SORL1: variants seen among roughly 807,000 people sequenced by gnomAD.
SORL1 encodes the protein sortilin related receptor 1.
In SORL1, 127 loss-of-function variants were observed where a neutral mutation model predicts 273.7. The observed-to-expected ratio is 0.46, with a 90% CI of 0.40 to 0.54. The LOEUF (loss-of-function observed/expected upper bound fraction) is 0.54, where lower values mean the gene tolerates loss of function less well. Among genes scored for constraint, SORL1 ranks in the 20% least tolerant of loss-of-function variants. The probability of loss-of-function intolerance (pLI) is 0.00; values close to 1 mark genes in which losing one functional copy is unlikely to be tolerated. For synonymous variants in SORL1, 1,031 were observed against 1,067.4 expected (o/e 0.97, Z 0.66); for missense variants, 2,494 against 2,846.1 (o/e 0.88, Z 2.81).
Position 121,555,421 on chromosome 11 carries a change from C to G in SORL1, c.2571+103C>G, listed in dbSNP as rs1862563976. On this transcript the variant is annotated intron_variant, in intron 18 of 47. Transcript: ENST00000260197. Reference sequence around the variant, plus strand: ...GCAAGGGCCAGTGTGTCAGATTACTCAGGAAATTTACTGCGAGTTTCCAGA... The same window carrying G: ...GCAAGGGCCAGTGTGTCAGATTACTGAGGAAATTTACTGCGAGTTTCCAGA... 4 of 1,437,960 alleles carry G rather than the reference C, an allele frequency of 2.8e-6. No homozygotes were observed. The South Asian group carries it at 3.9e-5, about 14-fold the overall frequency. 89.1% of individuals were successfully genotyped at this position (1,437,960 alleles called of 1,614,324 possible). A position where few individuals can be genotyped will look rare whatever the true frequency, so the allele number is the denominator to read the frequency against.
At position 121,514,153 on chromosome 11, in the gene SORL1, A is replaced by G. The variant is rs1861917782; in HGVS notation, c.1043A>G (p.Glu348Gly). 6.2e-7 allele frequency: 1 copy of G among 1,612,108 alleles called. No homozygotes were observed. Among genetic ancestry groups the G allele is most frequent in the South Asian group, 1.1e-5 (1 of 90,726 alleles). ...AQFVTRHPIN[E>G]YYIADASEDQ... is the part of the protein sequence containing the mutation. ...CTTTTTTGACTTTTGATTCCAAAGG[A>G]ATATTACATCGCAGATGCCTCCGAG... Residue 348 changes from glutamate (E) to glycine (G), a missense_variant and splice_region_variant, in exon 8 of 48, where the codon GAA (glutamate) becomes GGA (glycine). Glu to Gly is a moderately conservative substitution (Grantham distance 98). Transcript: ENST00000260197.
intron 1 of SORL1, chr11:121,453,160 G>A (rs1344243774): frequency 6.6e-6 from 1 of 152,262 alleles, no homozygotes. Context: ...TTAATTTTTG[G>A]CGAGCGTGTG....
rs753818844 is a variant in SORL1, at chr11:121,630,387, C to T, written c.*824C>T. On this transcript the variant is annotated 3_prime_UTR_variant, in exon 48 of 48. Transcript: ENST00000260197. ...AATGATAACACTGCTTTATTACACACTGGTTTCATTGTCATTGCAAAAACT... is the reference window on the plus strand; with the variant it reads ...AATGATAACACTGCTTTATTACACATTGGTTTCATTGTCATTGCAAAAACT... 2.0e-5 allele frequency: 3 copies of T among 152,216 alleles called. No homozygotes were observed. Among genetic ancestry groups the T allele is most frequent in the Non-Finnish European group, 4.4e-5 (3 of 68,054 alleles). 9.4% of individuals were successfully genotyped at this position (152,216 alleles called of 1,614,324 possible).
At chr11:121,501,270 T>TGG (rs1375138525) in intron 6 of SORL1, among the ~76,000 whole-genome samples, 1 of 152,230 alleles carries the variant, frequency 6.6e-6, no homozygotes, top group African/African-American at 2.4e-5. Flanking sequence ...AGTGTGCAAT[T>TGG]TAGTGGTTTT....
At chr11:121,616,644 T>C (rs1385690283) in intron 41 of SORL1, among the ~76,000 whole-genome samples, 1 of 152,260 alleles carries the variant, frequency 6.6e-6, no homozygotes. Flanking sequence ...AGCGCTTCTC[T>C]TTCCTACATC....
In SORL1 at chr11:121,555,251, A is replaced by G; in HGVS notation, c.2504A>G (p.Glu835Gly). 1 of 1,614,124 alleles carries G rather than the reference A, an allele frequency of 6.2e-7. No individual in the cohort carries two copies. The highest frequency in any genetic ancestry group is 1.1e-5 in the South Asian group (1 of 91,084). The change falls in exon 18 of 48, where the codon GAA becomes GGA. Residue 835 changes from glutamate to glycine, a missense_variant. Glu to Gly is a moderately conservative substitution (Grantham distance 98, BLOSUM62 -2). Transcript: ENST00000260197. ...ATCAATTCTGGCCTGGAGACAGTAG[A>G]AGCTTTGGCTTTTGAACCCCTCAGC... ...VIINSGLETV[E>G]ALAFEPLSQL...
intron 14 of SORL1, among the ~76,000 whole-genome samples, chr11:121,547,417 C>CAAAAAAAAAAAAAAAAAAAAAAAAAAAAA (rs67390938): frequency 1.2e-4 from 3 of 24,034 alleles, no homozygotes; most frequent in African/African-American, 4.9e-4. Flanking sequence ...CAACCCTCAC[C>CAAAAAAAAAAAAAAAAAAAAAAAAAAAAA]AAAAAAAAAA....
At position 121,550,659 on chromosome 11, in the gene SORL1, G is replaced by A; in HGVS notation, c.2255G>A (p.Cys752Tyr). The A allele has an allele frequency of 6.2e-7, 1 of 1,613,664 alleles. No homozygotes were observed. Among genetic ancestry groups the A allele is most frequent in the Admixed American group, 1.7e-5 (1 of 60,014 alleles). Residue 752 changes from cysteine (C) to tyrosine (Y), a missense_variant, in exon 16 of 48, where the codon TGT becomes TAT. By Grantham distance (194) the Cys-to-Tyr change is radical (BLOSUM62 -2). Transcript: ENST00000260197. This position sits in a 1 kb window ranked among gnomAD's most constrained non-coding sequence, Gnocchi z 5.3. ...CGACTGGAAGGAGAGCTGGTCCCCT[G>A]TCCCCTGGCAGGTAAGAGAGGTGGT... ...EARLEGELVP[C>Y]PLAEENEFIL... is the part of the protein sequence containing the mutation.
intron 8 of SORL1, among the ~76,000 whole-genome samples, chr11:121,517,501 C>T (rs1307834857): frequency 6.6e-6 from 1 of 152,158 alleles, no homozygotes; most frequent in Non-Finnish European, 1.5e-5. Flanking sequence ...CTTTCACTGA[C>T]TCTTTAATTT....
chr11:121,471,743 C>T (rs374955299), intron 2 of SORL1, among the ~76,000 whole-genome samples: 26 of 152,154 alleles, frequency 1.7e-4, no homozygotes, highest in East Asian at 1.2e-3. Flanking sequence ...GGACTGTTTC[C>T]AGGGAGTTGA....
In SORL1 at chr11:121,596,800, C is replaced by T. The variant is rs1863302891; in HGVS notation, c.4519+1028C>T. On this transcript the variant is annotated intron_variant, in intron 32 of 47. Coordinates refer to ENST00000260197, the MANE Select transcript of SORL1 (RefSeq NM_003105.6). The surrounding 1 kb of genome is among the most constrained non-coding windows in gnomAD (Gnocchi z 4.3). ...ACCCTAAGCAGCAAACGCCTCAGTT[C>T]CTCCACTTTGATCCCTGTTCTGGTC... 1.3e-5 allele frequency among the ~76,000 whole-genome samples: 2 copies of T among 152,176 alleles called. No individual in the cohort carries two copies. Among genetic ancestry groups the T allele is most frequent in the South Asian group, 4.1e-4 (2 of 4,826 alleles).
intron 3 of SORL1, among the ~76,000 whole-genome samples, chr11:121,483,708 C>G (rs1224809531): frequency 6.6e-6 from 1 of 152,096 alleles, no homozygotes; most frequent in Admixed American, 6.5e-5. Context: ...AACTTGACAG[C>G]CAGGCAGCAC....
intron 1 of SORL1, among the ~76,000 whole-genome samples, chr11:121,463,527 GAGAA>G (rs1861036371): frequency 1.3e-5 from 2 of 152,328 alleles, no homozygotes; most frequent in African/African-American, 4.8e-5. Context: ...TTTTAGCAAA[GAGAA>G]AGGAAAGGGC....
At chr11:121,582,130 T>C (rs1033151728) in intron 25 of SORL1, among the ~76,000 whole-genome samples, 1 of 152,214 alleles carries the variant, frequency 6.6e-6, no homozygotes, top group African/African-American at 2.4e-5. Context: ...CTTGGAGAGA[T>C]GGGAAGACAT....
At chr11:121,511,973 G>A (rs1195575278) in intron 6 of SORL1, among the ~76,000 whole-genome samples, 1 of 152,180 alleles carries the variant, frequency 6.6e-6, no homozygotes, top group Non-Finnish European at 1.5e-5. Flanking sequence ...GTATGATTAT[G>A]TCCACATGAG....
chr11:121,479,947 CA>C (rs1293251237), intron 3 of SORL1, among the ~76,000 whole-genome samples: 8 of 152,160 alleles, frequency 5.3e-5, no homozygotes, highest in Non-Finnish European at 1.2e-4. Flanking sequence ...ACGGGTCAGC[CA>C]GCCTTTGTGC....
intron 32 of SORL1, among the ~76,000 whole-genome samples, chr11:121,597,489 G>A (rs1057323558): frequency 1.4e-5 from 2 of 147,762 alleles, no homozygotes; most frequent in Admixed American, 6.9e-5. Context: ...ATGTCATCTC[G>A]CTCTGTTGCC....
In SORL1 at chr11:121,563,875, C is replaced by CTTTTAA. The variant is rs1259603373; in HGVS notation, c.3050-3064_3050-3059dup. On this transcript the variant is annotated intron_variant, in intron 21 of 47. Coordinates refer to ENST00000260197, the MANE Select transcript of SORL1 (RefSeq NM_003105.6). This position sits in a 1 kb window ranked among gnomAD's most constrained non-coding sequence, Gnocchi z 4.2. ...CTTTAGAGCCTGCAGTAAGTATGTG[C>CTTTTAA]TTTTAAGTATCTATAATGAGGGCAC... Among the ~76,000 whole-genome samples the CTTTTAA allele has an allele frequency of 5.3e-5, 8 of 152,108 alleles. No homozygotes were observed. Among genetic ancestry groups the CTTTTAA allele is most frequent in the African/African-American group, 1.9e-4 (8 of 41,426 alleles).
At chr11:121,570,452 A>G (rs1288047930) in intron 23 of SORL1, among the ~76,000 whole-genome samples, 182 bp downstream of exon 23, 1 of 152,180 alleles carries the variant, frequency 6.6e-6, no homozygotes, top group Admixed American at 6.5e-5. Context: ...TATTAGATAT[A>G]TAGGATTAAT....
Sources: allele counts gnomAD v4.1 joint callset (sites outside exome capture counted in the v4.1 genomes callset), GRCh38; gene constraint gnomAD v4.1.1; non-coding constraint Gnocchi (gnomAD v3.1); transcripts MANE v1.5; gene names NCBI Gene and HGNC (gene_info 2026-07-23, HGNC 2026-07-21).